The following F12 variants were observed in gnomAD, a reference collection of about 807,000 sequenced individuals.
The protein encoded by F12 is coagulation factor XII, also known as Hageman factor.
A neutral mutation model predicts 74.8 loss-of-function variants in F12; 70 were observed. The observed-to-expected ratio is 0.94, with a 90% CI of 0.77 to 1.14. F12 has a LOEUF of 1.14. F12 is among the 50% of genes most tolerant of loss of function. The pLI is 0.00. For missense variants in F12, 811 were observed against 835.7 expected, an observed-to-expected ratio of 0.97 and a Z score of 0.36; for synonymous variants, 373 against 356.4, an observed-to-expected ratio of 1.05 and a Z score of -0.52.
Position 177,404,920 on chromosome 5 carries a change from G to A in F12, c.530-6C>T, listed in dbSNP as rs1175653806. ...GCACGGGTTGGTGCGGCAGGCTTGG[G>A]GAGGGAACGCAGTGAGCCACCCCTG... On this transcript the variant is annotated splice_polypyrimidine_tract_variant and splice_region_variant and intron_variant, in intron 6 of 13. Transcript: ENST00000253496. 4 of 1,598,252 alleles carry A rather than the reference G, an allele frequency of 2.5e-6. No homozygotes were observed. Among genetic ancestry groups the A allele is most frequent in the African/African-American group, 2.7e-5 (2 of 74,808 alleles).
At chr5:177,406,369 G>A (rs1175079248) in intron 2 of F12, among the ~76,000 whole-genome samples, 1 of 152,150 alleles carries the variant, frequency 6.6e-6, no homozygotes, top group Non-Finnish European at 1.5e-5. Flanking sequence ...GGTGCCTGTA[G>A]TCCCAGCTAC....
At chr5:177,405,933 C>T in intron 3 of F12, 29 bp downstream of exon 3, 2 of 1,609,686 alleles carry the variant, frequency 1.2e-6, no homozygotes, top group Non-Finnish European at 8.5e-7. Flanking sequence ...CTCCCAGGCC[C>T]CTGCTCCAAC....
At position 177,402,567 on chromosome 5, in the gene F12, C is replaced by T; in HGVS notation, c.1663G>A (p.Gly555Ser). 6.2e-7 allele frequency: 1 copy of T among 1,612,178 alleles called. No individual in the cohort carries two copies. Among genetic ancestry groups the T allele is most frequent in the Non-Finnish European group, 8.5e-7 (1 of 1,179,586 alleles). ...GAGCTCACCTGGCACGCATCGGTGC[C>T]GCCCTCGAGGAACCCTGCGCAGAGC... Reference protein sequence around the residue: ...GMLCAGFLEGGTDACQGDSGG... With the variant: ...GMLCAGFLEGSTDACQGDSGG... Residue 555 changes from glycine (G) to serine (S), a missense_variant, in exon 13 of 14, where the codon GGC becomes AGC. Transcript: ENST00000253496.
At position 177,406,065 on chromosome 5, in the gene F12, C is replaced by G. The variant is rs754516332; in HGVS notation, c.116-4G>C. 1.9e-6 allele frequency: 3 copies of G among 1,612,932 alleles called. No homozygotes were observed. In the African/African-American group the frequency reaches 4.0e-5, roughly 22 times the overall value. On this transcript the variant is annotated splice_region_variant and splice_polypyrimidine_tract_variant and intron_variant, in intron 2 of 13. Transcript: ENST00000253496. ...GGCTCCCCGGTGACAGTGAGAACTGCAGGGACAACACACTCTCTGAGGACT... is the reference window on the plus strand; with the variant it reads ...GGCTCCCCGGTGACAGTGAGAACTGGAGGGACAACACACTCTCTGAGGACT...
chr5:177,408,057 ATT>A (rs200381145), intron 2 of F12, among the ~76,000 whole-genome samples: 10 of 142,648 alleles, frequency 7.0e-5, no homozygotes, highest in Admixed American at 7.1e-5. Context: ...CTCTAGGTAA[ATT>A]TTTTTTTTTT....
chr5:177,404,500 G>T lies in F12; in HGVS notation c.799C>A (p.Arg267=), dbSNP rs776688962. 14 of 1,591,098 alleles carry T rather than the reference G, an allele frequency of 8.8e-6. No homozygotes were observed. In the East Asian group the frequency reaches 1.1e-4, roughly 13 times the overall value. The change falls in exon 8 of 14, where the codon CGG becomes AGG. Residue 267 remains arginine, a splice_region_variant and synonymous_variant. Coordinates refer to ENST00000253496, the MANE Select transcript of F12 (RefSeq NM_000505.4). ...NWGLGGHAFC[R]NPDNDIRPWC... is the part of the protein sequence containing the mutation. ...GTCACCCAGCCCCACGCGGCGCACCGGCAGAAGGCGTGGCCGCCCAGTCCC... is the reference window on the plus strand; with the variant it reads ...GTCACCCAGCCCCACGCGGCGCACCTGCAGAAGGCGTGGCCGCCCAGTCCC...
chr5:177,406,051 G>A lies in F12; in HGVS notation c.126C>T (p.Val42=). The change falls in exon 3 of 14, where the codon GTC becomes GTT. Residue 42 remains valine, a synonymous_variant. Coordinates refer to ENST00000253496, the MANE Select transcript of F12 (RefSeq NM_000505.4). ...AGGGGAAGTGGCAGGGCTCCCCGGT[G>A]ACAGTGAGAACTGCAGGGACAACAC... The part of the protein sequence containing the change: ...KAEEHTVVLT[V]TGEPCHFPFQ... 6.2e-7 allele frequency: 1 copy of A among 1,614,026 alleles called. No individual in the cohort carries two copies. The highest frequency in any genetic ancestry group is 1.3e-5 in the African/African-American group (1 of 75,058).
Position 177,404,588 on chromosome 5 carries a change from G to A in F12, c.711C>T (p.Pro237=), listed in dbSNP as rs17876047. The change falls in exon 8 of 14, where the codon CCC becomes CCT. Residue 237 remains proline (P), a synonymous_variant. Transcript: ENST00000253496. ...TGGCCTCCGAGGCCCACGGCTGACA[G>A]GGCGCACCCGAGAGCGTGGTCCTGG... ...GLARTTLSGA[P]CQPWASEATY... is the part of the protein sequence containing the mutation. 0.028 allele frequency: 44,246 copies of A among 1,608,338 alleles called. 749 individuals carry two copies. Among genetic ancestry groups the A allele is most frequent in the Non-Finnish European group, 0.031 (37,046 of 1,179,186 alleles).
At chr5:177,409,336 G>A (rs372081188) in intron 1 of F12, 135 bp downstream of exon 1, 53 of 1,119,550 alleles carry the variant, frequency 4.7e-5, no homozygotes, top group Admixed American at 9.9e-5. Flanking sequence ...TGGGCCTTCC[G>A]GGCTGGCCTC....
intron 6 of F12, 41 bp from the exon 7 acceptor site, chr5:177,404,955 A>ACC: frequency 6.3e-7 from 1 of 1,580,056 alleles, no homozygotes; most frequent in Non-Finnish European, 8.6e-7. Flanking sequence ...GGGCCTAAAG[A>ACC]CCCCCCCAGA....
chr5:177,403,843 G>C lies in F12; in HGVS notation c.1250+16C>G. 1 of 1,509,966 alleles carries C rather than the reference G, an allele frequency of 6.6e-7. No homozygotes were observed. Among genetic ancestry groups the C allele is most frequent in the Non-Finnish European group, 8.9e-7 (1 of 1,128,894 alleles). 93.5% of individuals were successfully genotyped at this position (1,509,966 alleles called of 1,614,324 possible). A position where few individuals can be genotyped will look rare whatever the true frequency, so the allele number is the denominator to read the frequency against. On this transcript the variant is annotated intron_variant, in intron 10 of 13. Coordinates refer to ENST00000253496, the MANE Select transcript of F12 (RefSeq NM_000505.4). ...GCCGCGGCCCCTGGGGCGGCTCTGG[G>C]CGGGCGGGTACTCGCCGGTCCTGCA...
At chr5:177,409,124 C>T in intron 1 of F12, 21 bp from the exon 2 acceptor site, 1 of 1,551,136 alleles carries the variant, frequency 6.4e-7, no homozygotes. Context: ...GAGAAGAAGG[C>T]AGGGAACTGA....
intron 12 of F12, 63 bp downstream of exon 12, chr5:177,403,191 T>C (rs1454092678): frequency 1.6e-5 from 26 of 1,591,532 alleles, no homozygotes; most frequent in Non-Finnish European, 2.2e-5. Context: ...CGCGGGCTTC[T>C]TCCGCCTAAC....
Position 177,403,860 on chromosome 5 carries a change from G to C in F12, c.1249C>G (p.Arg417Gly). The change falls in exon 10 of 14, where the codon CGG becomes GGG. Residue 417 changes from arginine (R) to glycine (G), a missense_variant and splice_region_variant. Arg to Gly is a moderately radical substitution (Grantham distance 125). Transcript: ENST00000253496. ...GGCTCTGGGCGGGCGGGTACTCGCCGGTCCTGCAGGCAGTGAGCGGCCGTC... is the reference window on the plus strand; with the variant it reads ...GGCTCTGGGCGGGCGGGTACTCGCCCGTCCTGCAGGCAGTGAGCGGCCGTC... ...VLTAAHCLQD[R>G]PAPEDLTVVL... 1 of 1,533,802 alleles carries C rather than the reference G, an allele frequency of 6.5e-7. No homozygotes were observed. The highest frequency in any genetic ancestry group is 8.8e-7 in the Non-Finnish European group (1 of 1,141,306).
intron 2 of F12, among the ~76,000 whole-genome samples, chr5:177,407,909 G>A (rs1763327677): frequency 1.3e-5 from 2 of 152,012 alleles, no homozygotes; most frequent in African/African-American, 4.8e-5. Context: ...TTTTGGGTGT[G>A]GGGTGAAGAG....
intron 12 of F12, 182 bp downstream of exon 12, chr5:177,403,072 A>G: frequency 1.3e-6 from 1 of 787,900 alleles, no homozygotes; most frequent in East Asian, 2.7e-5. Flanking sequence ...TGGGGATCCC[A>G]GCAGTGAATC....
At chr5:177,408,125 C>T (rs555924995) in intron 2 of F12, among the ~76,000 whole-genome samples, 3 of 150,518 alleles carry the variant, frequency 2.0e-5, no homozygotes, top group East Asian at 2.0e-4. Context: ...GTGTGATCTT[C>T]GTTCACTGCA....
At chr5:177,407,681 G>A (rs17876016) in intron 2 of F12, among the ~76,000 whole-genome samples, 2,769 of 152,076 alleles carry the variant, frequency 0.018, 53 homozygotes, top group African/African-American at 0.046. Flanking sequence ...AGCAACTCGG[G>A]AGGCTGAGGC....
intron 6 of F12, 63 bp from the exon 7 acceptor site, chr5:177,404,977 C>T (rs1324476081): frequency 2.5e-6 from 4 of 1,589,882 alleles, no homozygotes; most frequent in Admixed American, 1.7e-5. Context: ...AGCTCTCCTT[C>T]CTGGCACACC....
Sources: allele counts gnomAD v4.1 joint callset (sites outside exome capture counted in the v4.1 genomes callset), GRCh38; gene constraint gnomAD v4.1.1; transcripts MANE v1.5; gene names NCBI Gene and HGNC (gene_info 2026-07-23, HGNC 2026-07-21).